KCNN1: variants seen among roughly 807,000 people sequenced by gnomAD.
KCNN1 encodes the protein potassium calcium-activated channel subfamily N member 1, also known as small conductance calcium-activated potassium channel protein 1.
KCNN1 carries 20 observed loss-of-function variants against 44.7 expected under a neutral mutation model. That is an observed-to-expected ratio of 0.45 (90% CI 0.32 to 0.65). The LOEUF (loss-of-function observed/expected upper bound fraction) is 0.65, where lower values mean the gene tolerates loss of function less well. Ranked by LOEUF, KCNN1 falls within the 30% of genes least tolerant of loss-of-function variation. The pLI, the probability that KCNN1 is intolerant of heterozygous loss-of-function variation, is 0.05. For missense variants in KCNN1, 632 were observed against 785.3 expected, an observed-to-expected ratio of 0.80 and a Z score of 2.33; for synonymous variants, 324 against 341.7, an observed-to-expected ratio of 0.95 and a Z score of 0.57.
At chr19:17,976,829 C>A (rs1439088044) in intron 3 of KCNN1, among the ~76,000 whole-genome samples, 1 of 151,762 alleles carries the variant, frequency 6.6e-6, no homozygotes, top group Non-Finnish European at 1.5e-5. Flanking sequence ...GATTCTCCTG[C>A]CTCAGTCTCC....
At chr19:17,996,955 G>A (rs979585323) in intron 9 of KCNN1, among the ~76,000 whole-genome samples, 4 of 152,338 alleles carry the variant, frequency 2.6e-5, no homozygotes, top group African/African-American at 9.6e-5. Flanking sequence ...GGAGGCCGCC[G>A]CGGGGTGGCA....
Position 17,999,876 on chromosome 19 carries a change from A to C in KCNN1, c.*1470A>C, listed in dbSNP as rs895435048. ...GACCAGCTTGGGCCCACGCACGAGA[A>C]GGGTATGAGGAGGTGCTGGTCAGAC... On this transcript the variant is annotated 3_prime_UTR_variant, in exon 10 of 10. Coordinates refer to ENST00000684775, the MANE Select transcript of KCNN1 (RefSeq NM_001386974.1). 3 of 431,848 alleles carry C rather than the reference A, an allele frequency of 6.9e-6. No individual in the cohort carries two copies. The highest frequency in any genetic ancestry group is 6.1e-5 in the African/African-American group (3 of 49,310). The allele number at this position is 431,848 out of a possible 1,614,324, so 26.8% of individuals were successfully genotyped here. A position where few individuals can be genotyped will look rare whatever the true frequency, so the allele number is the denominator to read the frequency against.
At chr19:17,976,798 C>T (rs974906773) in intron 3 of KCNN1, among the ~76,000 whole-genome samples, 3 of 151,086 alleles carry the variant, frequency 2.0e-5, no homozygotes, top group African/African-American at 7.3e-5. Context: ...TCACTGCAAC[C>T]TCCGCCTCCC....
chr19:17,959,935 T>C (rs940843017), intron 2 of KCNN1, among the ~76,000 whole-genome samples: 5 of 151,508 alleles, frequency 3.3e-5, no homozygotes, highest in Non-Finnish European at 7.4e-5. Context: ...ATACAAAAAT[T>C]AGCCGAGCGT....
At chr19:17,967,920 C>G (rs2145914593) in intron 1 of KCNN1, among the ~76,000 whole-genome samples, 1 of 152,072 alleles carries the variant, frequency 6.6e-6, no homozygotes, top group South Asian at 2.1e-4. Context: ...TTGCACCCTG[C>G]TGGCTGCTGG....
In KCNN1 at chr19:17,988,641, AG is replaced by A. The variant is rs1053164592; in HGVS notation, c.1170+117del. 5.1e-6 allele frequency: 4 copies of A among 790,094 alleles called. No homozygotes were observed. The African/African-American group carries it at 6.8e-5, about 13-fold the overall frequency. The allele number at this position is 790,094 out of a possible 1,614,324, so 48.9% of individuals were successfully genotyped here. ...CTCATGTGCCCATGGGTTACCATGC[AG>A]CCCCGTGTCAAGACTGTGCTGGCTT... On this transcript the variant is annotated intron_variant, in intron 6 of 9. Coordinates refer to ENST00000684775, the MANE Select transcript of KCNN1 (RefSeq NM_001386974.1).
intron 1 of KCNN1, among the ~76,000 whole-genome samples, chr19:17,967,852 G>T (rs2031870280): frequency 6.6e-6 from 1 of 152,064 alleles, no homozygotes; most frequent in Non-Finnish European, 1.5e-5. Context: ...TGAGGCTGAT[G>T]GAGATGCATC....
intron 3 of KCNN1, among the ~76,000 whole-genome samples, chr19:17,980,177 C>T (rs1169967651): frequency 2.7e-5 from 4 of 146,432 alleles, no homozygotes; most frequent in Admixed American, 6.8e-5. Context: ...GATTCTTGTG[C>T]GTCAGCCTCT....
intron 3 of KCNN1, among the ~76,000 whole-genome samples, chr19:17,980,465 C>G (rs979900437): frequency 1.3e-5 from 2 of 151,926 alleles, no homozygotes; most frequent in Admixed American, 6.6e-5. Context: ...TTTAGTTTCT[C>G]TTGAGTCTGT....
chr19:17,976,802 G>A (rs1409603676), intron 3 of KCNN1, among the ~76,000 whole-genome samples: 8 of 150,652 alleles, frequency 5.3e-5, no homozygotes, highest in African/African-American at 1.5e-4. Context: ...TGCAACCTCC[G>A]CCTCCCAGGT....
upstream of KCNN1, among the ~76,000 whole-genome samples, chr19:17,963,853 A>T (rs2031739281): frequency 6.6e-6 from 1 of 152,076 alleles, no homozygotes; most frequent in Non-Finnish European, 1.5e-5. Context: ...AGCCGCCCGA[A>T]GGAGCTGGGA....
chr19:17,982,714 C>G lies in KCNN1; in HGVS notation c.917+587C>G, dbSNP rs9676756. 767 of 511,104 alleles carry G rather than the reference C, an allele frequency of 1.5e-3. 6 individuals carry two copies. The highest frequency in any genetic ancestry group is 0.013 in the African/African-American group (632 of 47,860). The allele number at this position is 511,104 out of a possible 1,614,324, so 31.7% of individuals were successfully genotyped here. On this transcript the variant is annotated intron_variant, in intron 4 of 9. Transcript: ENST00000684775. ...GGAGAACGGGCCCGGCGGGGTGGGT[C>G]GGGGTAAGTCACCCCGTCACGGGGG... is the stretch of plus-strand genomic sequence containing the variant.
chr19:17,953,888 C>A (rs983318189), intron 1 of KCNN1, among the ~76,000 whole-genome samples: 10 of 152,158 alleles, frequency 6.6e-5, no homozygotes, highest in African/African-American at 2.4e-4. Flanking sequence ...CATGTTCATG[C>A]GACTGCACTC....
At chr19:17,975,236 T>TC in intron 3 of KCNN1, 49 bp downstream of exon 3, 8 of 1,381,756 alleles carry the variant, frequency 5.8e-6, no homozygotes, top group Non-Finnish European at 8.2e-6. Context: ...AAACCCCAGA[T>TC]CCCCCCACAC....
chr19:17,992,323 C>T (rs2145971863), intron 7 of KCNN1, among the ~76,000 whole-genome samples: 1 of 151,656 alleles, frequency 6.6e-6, no homozygotes, highest in South Asian at 2.1e-4. Flanking sequence ...GAAGGGAGTG[C>T]CAGCAGGTGC....
rs367682869 is a variant in KCNN1, at chr19:17,968,623, T to A, written c.-82+1306T>A. Among the ~76,000 whole-genome samples the A allele has an allele frequency of 1.8e-4, 28 of 152,144 alleles. No homozygotes were observed. In the East Asian group the frequency reaches 2.7e-3, roughly 15 times the overall value. On this transcript the variant is annotated intron_variant, in intron 1 of 9. Coordinates refer to ENST00000684775, the MANE Select transcript of KCNN1 (RefSeq NM_001386974.1). The stretch of plus-strand genomic sequence containing the variant: ...TTCCCATGTCCTGTTGGGTGGGGAA[T>A]CTAAGGAGCCATCAGCCCTGCTCCC...
At chr19:17,985,234 G>A (rs1434554833) in intron 4 of KCNN1, 78 bp from the exon 5 acceptor site, 10 of 1,405,840 alleles carry the variant, frequency 7.1e-6, no homozygotes, top group Admixed American at 2.6e-5. Context: ...CAGCCCTGGC[G>A]CTGCCCCAGG....
intron 1 of KCNN1, among the ~76,000 whole-genome samples, chr19:17,953,330 C>T (rs968985013): frequency 7.2e-5 from 11 of 152,216 alleles, no homozygotes; most frequent in Admixed American, 5.9e-4. Context: ...GGACAAGGCC[C>T]TGCCCTCCCA....
At chr19:17,987,977 TAAAC>T (rs1242418137) in intron 5 of KCNN1, among the ~76,000 whole-genome samples, 2 of 133,878 alleles carry the variant, frequency 1.5e-5, no homozygotes, top group Non-Finnish European at 3.2e-5. Flanking sequence ...CCCCCTTTAC[TAAAC>T]AAACACACAC....
Sources: gnomAD v4.1 joint callset for allele counts (sites outside exome capture counted in the v4.1 genomes callset) on GRCh38, gnomAD v4.1.1 for gene constraint, MANE v1.5 for transcripts, NCBI Gene and HGNC (gene_info 2026-07-23, HGNC 2026-07-21) for gene names.